The following IQGAP1 variants were observed in gnomAD, a reference collection of about 807,000 sequenced individuals.
IQGAP1 encodes the protein ras GTPase-activating-like protein IQGAP1.
Under a neutral mutation model 215.6 loss-of-function variants are expected in IQGAP1, and 66 were observed. That is an observed-to-expected ratio of 0.31 (90% CI 0.25 to 0.38). IQGAP1 has a LOEUF of 0.38. Among genes scored for constraint, IQGAP1 ranks in the 10% least tolerant of loss-of-function variants. The pLI is 1.00. For missense variants in IQGAP1, 1,712 were observed against 1,997.1 expected (o/e 0.86, Z 2.72); for synonymous variants, 772 against 728.7 (o/e 1.06, Z -0.96).
At chr15:90,392,868 C>T (rs968727191) in intron 2 of IQGAP1, among the ~76,000 whole-genome samples, 2 of 151,120 alleles carry the variant, frequency 1.3e-5, no homozygotes, top group Non-Finnish European at 2.9e-5. Context: ...CCTCAGCCTC[C>T]TGAGTAGCTG....
At position 90,452,936 on chromosome 15, in the gene IQGAP1, G is replaced by C. The variant is rs770471372; in HGVS notation, c.1324G>C (p.Glu442Gln). 5.6e-6 allele frequency: 9 copies of C among 1,613,756 alleles called. No individual in the cohort carries two copies. The highest frequency in any genetic ancestry group is 7.6e-6 in the Non-Finnish European group (9 of 1,179,972). ...ELATLQRQSP[E>Q]HNLTHPELSV... The stretch of plus-strand genomic sequence containing the variant: ...GGCTACCCTGCAGCGACAAAGTCCT[G>C]AAGTGAGTTCACTAAACCTGTCCTG... The change falls in exon 12 of 38, where the codon GAA becomes CAA. Residue 442 changes from glutamate to glutamine, a missense_variant and splice_region_variant. Around this residue, in one of 2 missense-constraint regions of IQGAP1, gnomAD observed 1,021 missense variants for 1,074.2 expected, o/e 0.95. Coordinates refer to ENST00000268182, the MANE Select transcript of IQGAP1 (RefSeq NM_003870.4).
chr15:90,441,398 C>A, intron 7 of IQGAP1, 108 bp from the exon 8 acceptor site: 1 of 916,560 alleles, frequency 1.1e-6, no homozygotes, highest in African/African-American at 1.7e-5. Context: ...GAAAAGGAGC[C>A]TCTGTCTCTA....
At chr15:90,487,761 AG>A (rs1200742905) in intron 33 of IQGAP1, among the ~76,000 whole-genome samples, 179 bp downstream of exon 33, 1 of 152,146 alleles carries the variant, frequency 6.6e-6, no homozygotes, top group Non-Finnish European at 1.5e-5. Flanking sequence ...TCCTGAGTCC[AG>A]GTGATGTCCT....
At chr15:90,431,207 C>T (rs1234455642) in intron 4 of IQGAP1, 1 of 151,792 alleles carries the variant, frequency 6.6e-6, no homozygotes. Context: ...TAGCTTTTCT[C>T]CTCTTTTTTT....
At chr15:90,494,569 C>G in intron 35 of IQGAP1, 144 bp from the exon 36 acceptor site, 1 of 550,810 alleles carries the variant, frequency 1.8e-6, no homozygotes. Context: ...CTAATTCTAA[C>G]ATTTGTTTGC....
chr15:90,484,468 A>G (rs910771530), intron 30 of IQGAP1, 116 bp downstream of exon 30: 25 of 705,140 alleles, frequency 3.5e-5, no homozygotes, highest in Non-Finnish European at 5.7e-5. Context: ...CTGACAATGC[A>G]TCTCCTTGAT....
chr15:90,476,603 C>T, intron 23 of IQGAP1, 60 bp from the exon 24 acceptor site: 1 of 1,342,038 alleles, frequency 7.5e-7, no homozygotes, highest in East Asian at 2.4e-5. Context: ...AACCTTTCCT[C>T]AATGCCCAGA....
At chr15:90,473,577 T>A (rs1965934976) in intron 19 of IQGAP1, 138 bp from the exon 20 acceptor site, 1 of 631,920 alleles carries the variant, frequency 1.6e-6, no homozygotes. Flanking sequence ...CTTGTTCCCC[T>A]GTCACTGCTG....
chr15:90,484,138 T>C, intron 29 of IQGAP1, 82 bp from the exon 30 acceptor site: 1 of 1,235,668 alleles, frequency 8.1e-7, no homozygotes. Flanking sequence ...GCACTCATTG[T>C]GTGAGAGGTT....
chr15:90,456,091 T>C lies in IQGAP1; in HGVS notation c.1613-61T>C, dbSNP rs1371136689. 6 of 1,416,566 alleles carry C rather than the reference T, an allele frequency of 4.2e-6. No individual in the cohort carries two copies. In the African/African-American group the frequency reaches 5.8e-5, roughly 14 times the overall value. The allele number at this position is 1,416,566 out of a possible 1,614,324, so 87.7% of individuals were successfully genotyped here. ...TATGATTAGTTAGCATGTTCCATGA[T>C]TGATTTGTTTATGTACTTCCTTAAT... is the stretch of plus-strand genomic sequence containing the variant. On this transcript the variant is annotated intron_variant, in intron 14 of 37. Transcript: ENST00000268182.
At chr15:90,473,855 G>A in intron 20 of IQGAP1, 41 bp from the exon 21 acceptor site, 1 of 1,611,688 alleles carries the variant, frequency 6.2e-7, no homozygotes, top group South Asian at 1.1e-5. Flanking sequence ...CACGTGTTGA[G>A]ATGAAGGACT....
intron 26 of IQGAP1, 34 bp from the exon 27 acceptor site, chr15:90,481,926 C>A (rs1476251489): frequency 6.2e-7 from 1 of 1,611,976 alleles, no homozygotes. Flanking sequence ...GGCTGTTAGT[C>A]TAACATAGTT....
At chr15:90,390,988 C>A in intron 2 of IQGAP1, 115 bp downstream of exon 2, 2 of 685,124 alleles carry the variant, frequency 2.9e-6, no homozygotes, top group Non-Finnish European at 2.6e-6. Flanking sequence ...AATCCCAACA[C>A]GTTGGGAGGC....
intron 23 of IQGAP1, chr15:90,474,907 T>A (rs1965956410): frequency 1.8e-6 from 1 of 540,588 alleles, no homozygotes; most frequent in African/African-American, 1.9e-5. Flanking sequence ...CCTCCCAGGT[T>A]CAAGCAATTC....
In IQGAP1 at chr15:90,477,216, C is replaced by A; in HGVS notation, c.3090C>A (p.Leu1030=). The change falls in exon 25 of 38, where the codon CTC becomes CTA. Residue 1030 remains leucine (L), a synonymous_variant. Transcript: ENST00000268182. Reference sequence around the variant, plus strand: ...TCCTGCGGCTCTTTAAGACAGCACTCCAAGAGGAAATCAAGTATGAACAGA... The same window carrying A: ...TCCTGCGGCTCTTTAAGACAGCACTACAAGAGGAAATCAAGTATGAACAGA... ...YLLLRLFKTA[L]QEEIKSKVDQ... The A allele has an allele frequency of 6.2e-7, 1 of 1,614,000 alleles. No individual in the cohort carries two copies. Among genetic ancestry groups the A allele is most frequent in the Non-Finnish European group, 8.5e-7 (1 of 1,179,974 alleles).
chr15:90,413,247 T>C (rs1472603561), intron 2 of IQGAP1, among the ~76,000 whole-genome samples: 1 of 152,204 alleles, frequency 6.6e-6, no homozygotes, highest in Non-Finnish European at 1.5e-5. Flanking sequence ...CATACACATA[T>C]ACATAGCTAT....
Position 90,429,593 on chromosome 15 carries a change from C to T in IQGAP1, c.317C>T (p.Thr106Ile). Residue 106 changes from threonine (T) to isoleucine (I), a missense_variant, in exon 4 of 38, where the codon ACT becomes ATT. Physicochemically the swap from Thr to Ile is moderately conservative, Grantham distance 89. Around this residue, in one of 2 missense-constraint regions of IQGAP1, gnomAD observed 1,021 missense variants for 1,074.2 expected, o/e 0.95. Coordinates refer to ENST00000268182, the MANE Select transcript of IQGAP1 (RefSeq NM_003870.4). ...YDREQTRYKA[T>I]GLHFRHTDNV... ...AATTTTCTTTTTTTTTTCTAGGCGA[C>T]TGGCCTCCACTTTAGACACACTGAT... 1 of 1,587,988 alleles carries T rather than the reference C, an allele frequency of 6.3e-7. No individual in the cohort carries two copies.
intron 15 of IQGAP1, among the ~76,000 whole-genome samples, chr15:90,456,573 C>G (rs552061739): frequency 2.6e-5 from 4 of 151,960 alleles, no homozygotes; most frequent in African/African-American, 7.2e-5. Context: ...AAATTCTTTA[C>G]TGAAATATAA....
Position 90,491,511 on chromosome 15 carries a change from A to G in IQGAP1, c.4427A>G (p.Asn1476Ser). The change falls in exon 34 of 38, where the codon AAC becomes AGC. Residue 1476 changes from asparagine to serine, a missense_variant. By Grantham distance (46) the Asn-to-Ser change is conservative (BLOSUM62 1). Coordinates refer to ENST00000268182, the MANE Select transcript of IQGAP1 (RefSeq NM_003870.4). ...LTELGTVDPK[N>S]KYQELINDIA... ...GAGCTTGGAACCGTGGACCCAAAGA[A>G]CAAATACCAGGAACTGATCAACGAC... The G allele has an allele frequency of 6.2e-7, 1 of 1,614,178 alleles. No individual in the cohort carries two copies. The highest frequency in any genetic ancestry group is 8.5e-7 in the Non-Finnish European group (1 of 1,180,004).
Sources: gnomAD v4.1 joint callset for allele counts (sites outside exome capture counted in the v4.1 genomes callset) on GRCh38, gnomAD v4.1.1 for gene constraint, gnomAD v4.1.1 regional missense constraint, MANE v1.5 for transcripts, NCBI Gene and HGNC (gene_info 2026-07-23, HGNC 2026-07-21) for gene names.